The following NOVA2 variants were observed in gnomAD, a reference collection of about 807,000 sequenced individuals.
The protein encoded by NOVA2 is NOVA alternative splicing regulator 2, also known as RNA-binding protein Nova-2.
NOVA2 carries 9 observed loss-of-function variants against 22.5 expected under a neutral mutation model. The observed-to-expected ratio is 0.40, with a 90% CI of 0.24 to 0.70. The LOEUF is 0.70. NOVA2 is among the 30% of genes least tolerant of loss of function. NOVA2 has a pLI of 0.38. For synonymous variants in NOVA2, 318 were observed against 335.2 expected (o/e 0.95, Z 0.56); for missense variants, 383 against 682.8 (o/e 0.56, Z 4.89).
chr19:45,934,433 C>G lies in NOVA2; in HGVS notation c.*5430G>C, dbSNP rs1173153260. The G allele has an allele frequency of 1.3e-5, 2 of 152,286 alleles. No homozygotes were observed. The highest frequency in any genetic ancestry group is 2.9e-5 in the Non-Finnish European group (2 of 68,106). The allele number at this position is 152,286 out of a possible 1,614,324, so 9.4% of individuals were successfully genotyped here. A position where few individuals can be genotyped will look rare whatever the true frequency, so the allele number is the denominator to read the frequency against. ...GGGAAAACGGAGGCATCCTCCCAGA[C>G]TACACCTTTCCACACCTCTCCCACC... On this transcript the variant is annotated 3_prime_UTR_variant, in exon 4 of 4. Coordinates refer to ENST00000263257, the MANE Select transcript of NOVA2 (RefSeq NM_002516.4).
intron 2 of NOVA2, among the ~76,000 whole-genome samples, chr19:45,960,321 G>A (rs1458871133): frequency 6.6e-6 from 1 of 151,556 alleles, no homozygotes; most frequent in Non-Finnish European, 1.5e-5. Flanking sequence ...AAGGAAAAAC[G>A]TGAGACTATG....
rs57818599 is a variant in NOVA2 at position 45,964,348 on chromosome 19, T to TTGTG, written c.86-3199_86-3196dup. Among the ~76,000 whole-genome samples the TTGTG allele has an allele frequency of 9.9e-3, 1,178 of 119,530 alleles. 11 individuals carry two copies. Among genetic ancestry groups the TTGTG allele is most frequent in the African/African-American group, 0.024 (729 of 30,618 alleles). 78.4% of individuals were successfully genotyped at this position (119,530 alleles called of 152,430 possible). The stretch of plus-strand genomic sequence containing the variant: ...GTGCCCACAACCATGCCCGGCTAAT[T>TTGTG]TGTGTGTGTGTGTGTGTGTGTGTGT... On this transcript the variant is annotated intron_variant, in intron 1 of 3. Coordinates refer to ENST00000263257, the MANE Select transcript of NOVA2 (RefSeq NM_002516.4).
intron 1 of NOVA2, among the ~76,000 whole-genome samples, chr19:45,969,239 T>C (rs1968203663): frequency 6.6e-6 from 1 of 151,910 alleles, no homozygotes; most frequent in Non-Finnish European, 1.5e-5. Context: ...GAATGGTGGC[T>C]CACACCTGTA....
At chr19:45,941,018 G>A (rs1358074452) in intron 3 of NOVA2, 73 bp from the exon 4 acceptor site, 27 of 1,400,716 alleles carry the variant, frequency 1.9e-5, no homozygotes, top group East Asian at 2.5e-5. Flanking sequence ...GGCTGGGCAC[G>A]GTGGCTGTCG....
intron 2 of NOVA2, 76 bp from the exon 3 acceptor site, chr19:45,954,022 A>G: frequency 6.6e-7 from 1 of 1,509,934 alleles, no homozygotes; most frequent in Non-Finnish European, 9.1e-7. Flanking sequence ...GCCCCATTTA[A>G]TGGAAGAGGC....
intron 2 of NOVA2, among the ~76,000 whole-genome samples, chr19:45,959,155 G>T (rs1406836027): frequency 1.3e-5 from 2 of 152,258 alleles, no homozygotes; most frequent in Non-Finnish European, 2.9e-5. Flanking sequence ...CACGCCAGGA[G>T]TGGAGGGAAG....
chr19:45,958,955 C>T (rs1968054993), intron 2 of NOVA2, among the ~76,000 whole-genome samples: 1 of 152,210 alleles, frequency 6.6e-6, no homozygotes, highest in South Asian at 2.1e-4. Context: ...TGTCCCAGCC[C>T]TGACCACTCT....
chr19:45,959,821 G>GGA (rs146270704), intron 2 of NOVA2, among the ~76,000 whole-genome samples: 4,687 of 136,560 alleles, frequency 0.034, 81 homozygotes, highest in East Asian at 0.13. Flanking sequence ...AGACAGAGAG[G>GGA]GAGAGAGAGA....
chr19:45,939,824 T>C lies in NOVA2; in HGVS notation c.*39A>G, dbSNP rs776416570. The stretch of plus-strand genomic sequence containing the variant: ...GAGGAGGAGAGGGAAGAGGAGGAGA[T>C]GGGAGGAGAGAAAAGGGTGGGAGCA... On this transcript the variant is annotated 3_prime_UTR_variant, in exon 4 of 4. Coordinates refer to ENST00000263257, the MANE Select transcript of NOVA2 (RefSeq NM_002516.4). The C allele has an allele frequency of 4.4e-6, 7 of 1,608,636 alleles. No individual in the cohort carries two copies. The highest frequency in any genetic ancestry group is 5.1e-6 in the Non-Finnish European group (6 of 1,177,282).
At chr19:45,943,589 A>G (rs1279431861) in intron 3 of NOVA2, among the ~76,000 whole-genome samples, 3 of 151,774 alleles carry the variant, frequency 2.0e-5, no homozygotes, top group African/African-American at 7.3e-5. Context: ...CTGGTGGCAC[A>G]TGCCTGTAGT....
chr19:45,952,757 T>A (rs892054613), intron 3 of NOVA2, among the ~76,000 whole-genome samples: 1 of 152,210 alleles, frequency 6.6e-6, no homozygotes, highest in Admixed American at 6.5e-5. Flanking sequence ...GCGTCCGCGC[T>A]ACACGCCCCA....
chr19:45,958,772 T>G (rs1968052721), intron 2 of NOVA2, among the ~76,000 whole-genome samples: 1 of 152,200 alleles, frequency 6.6e-6, no homozygotes, highest in Admixed American at 6.5e-5. Flanking sequence ...TTGACCAAAC[T>G]GCTCAGCAGC....
At chr19:45,965,533 A>G (rs1555806878) in intron 1 of NOVA2, among the ~76,000 whole-genome samples, 1 of 152,208 alleles carries the variant, frequency 6.6e-6, no homozygotes, top group Non-Finnish European at 1.5e-5. Flanking sequence ...GTTCGAGACC[A>G]GCCTGGCCAA....
intron 2 of NOVA2, among the ~76,000 whole-genome samples, chr19:45,956,875 T>G (rs1470547060): frequency 6.6e-6 from 1 of 152,170 alleles, no homozygotes; most frequent in Non-Finnish European, 1.5e-5. Context: ...TCAAGTTCTC[T>G]TAGATGGTAG....
intron 3 of NOVA2, among the ~76,000 whole-genome samples, chr19:45,950,990 C>G (rs1292230118): frequency 6.6e-6 from 1 of 152,168 alleles, no homozygotes; most frequent in Non-Finnish European, 1.5e-5. Flanking sequence ...GCTCAGATTC[C>G]TAAGCCTTAC....
In NOVA2 at chr19:45,973,658, TA is replaced by T. The variant is rs1456251619; in HGVS notation, c.-308del. The T allele has an allele frequency of 0.017, 141 of 8,060 alleles. No homozygotes were observed. The highest frequency in any genetic ancestry group is 0.075 in the African/African-American group (133 of 1,778). 0.5% of individuals were successfully genotyped at this position (8,060 alleles called of 1,614,324 possible). A position where few individuals can be genotyped will look rare whatever the true frequency, so the allele number is the denominator to read the frequency against. On this transcript the variant is annotated 5_prime_UTR_variant, in exon 1 of 4. Transcript: ENST00000263257. The stretch of plus-strand genomic sequence containing the variant: ...GAGCCCCGGAGAGGGAAGGCGGGGG[TA>T]GGGGGGAGCCGGTTCTCGGGGGGCT...
At chr19:45,950,314 A>G (rs894852738) in intron 3 of NOVA2, among the ~76,000 whole-genome samples, 5 of 151,546 alleles carry the variant, frequency 3.3e-5, no homozygotes, top group Non-Finnish European at 7.4e-5. Flanking sequence ...GTGCACCACC[A>G]TGCCCGGCTA....
chr19:45,959,821 G>GGAGAGAGAGAGAGA (rs146270704), intron 2 of NOVA2, among the ~76,000 whole-genome samples: 15 of 136,710 alleles, frequency 1.1e-4, no homozygotes, highest in Admixed American at 3.8e-4. Flanking sequence ...AGACAGAGAG[G>GGAGAGAGAGAGAGA]GAGAGAGAGA....
At chr19:45,947,369 G>A (rs946245628) in intron 3 of NOVA2, among the ~76,000 whole-genome samples, 1 of 152,162 alleles carries the variant, frequency 6.6e-6, no homozygotes, top group African/African-American at 2.4e-5. Flanking sequence ...GGTGGGGGTG[G>A]GGAGTGGTAG....
Sources: gnomAD v4.1 joint callset for allele counts (sites outside exome capture counted in the v4.1 genomes callset) on GRCh38, gnomAD v4.1.1 for gene constraint, MANE v1.5 for transcripts, NCBI Gene and HGNC (gene_info 2026-07-23, HGNC 2026-07-21) for gene names.